SASH1: variants seen among roughly 807,000 people sequenced by gnomAD.
SASH1 encodes SAM and SH3 domain containing 1.
In SASH1, 44 loss-of-function variants were observed where a neutral mutation model predicts 125.2. The observed-to-expected ratio is 0.35, with a 90% CI of 0.28 to 0.45. The LOEUF (loss-of-function observed/expected upper bound fraction) is 0.45, where lower values mean the gene tolerates loss of function less well. Among genes scored for constraint, SASH1 ranks in the 20% least tolerant of loss-of-function variants. The pLI, the probability that SASH1 is intolerant of heterozygous loss-of-function variation, is 1.00. For missense variants in SASH1, 1,426 were observed against 1,614.5 expected (o/e 0.88, Z 2.00); for synonymous variants, 639 against 649.1 (o/e 0.98, Z 0.24).
At position 148,529,156 on chromosome 6, in the gene SASH1, C is replaced by G. The variant is rs1292265632; in HGVS notation, c.1428+1560C>G. ...GGCCTGCTCACCCGCCACTCACCTCCTGCTGTACGGCCCACTTCTTAACAG... is the reference window on the plus strand; with the variant it reads ...GGCCTGCTCACCCGCCACTCACCTCGTGCTGTACGGCCCACTTCTTAACAG... On this transcript the variant is annotated intron_variant, in intron 12 of 19. Transcript: ENST00000367467. This position sits in a 1 kb window ranked among gnomAD's most constrained non-coding sequence, Gnocchi z 4.2. Among the ~76,000 whole-genome samples, 1 of 152,210 alleles carries G rather than the reference C, an allele frequency of 6.6e-6. No homozygotes were observed. Among genetic ancestry groups the G allele is most frequent in the East Asian group, 1.9e-4 (1 of 5,194 alleles).
At chr6:148,527,047 T>C (rs1781217165) in intron 11 of SASH1, among the ~76,000 whole-genome samples, 1 of 152,028 alleles carries the variant, frequency 6.6e-6, no homozygotes. Context: ...TAATTTTTTG[T>C]ATTTTTAGTA....
At chr6:148,295,822 A>C (rs1779749495) in intron 1 of SASH1, among the ~76,000 whole-genome samples, 1 of 152,212 alleles carries the variant, frequency 6.6e-6, no homozygotes, top group Admixed American at 6.5e-5. Context: ...AGCAGCCAGC[A>C]CTTCACCTGG....
chr6:148,404,677 A>ACCCCAG (rs1784305810), intron 2 of SASH1, among the ~76,000 whole-genome samples: 2 of 82,652 alleles, frequency 2.4e-5, no homozygotes, highest in Non-Finnish European at 4.8e-5. Context: ...CCTCATCCCA[A>ACCCCAG]CCCCAGCCCC....
chr6:148,224,869 T>G, the SASH1 span, among the ~76,000 whole-genome samples: 2 of 152,146 alleles, frequency 1.3e-5, no homozygotes, highest in African/African-American at 4.8e-5. Context: ...TAGGAAAAAA[T>G]AGTTATGGAA....
intron 1 of SASH1, among the ~76,000 whole-genome samples, chr6:148,364,841 G>A (rs529348427): frequency 2.0e-5 from 3 of 152,008 alleles, no homozygotes; most frequent in Non-Finnish European, 4.4e-5. Context: ...TTTTCCCTCC[G>A]GCCGGGCACA....
intron 8 of SASH1, 39 bp downstream of exon 8, chr6:148,487,754 C>T (rs1778942673): frequency 1.5e-6 from 2 of 1,372,860 alleles, no homozygotes; most frequent in Non-Finnish European, 2.1e-6. Flanking sequence ...ATCACCTACG[C>T]CGATAAGGGA....
At chr6:148,501,029 T>G (rs1392829750) in intron 8 of SASH1, among the ~76,000 whole-genome samples, 1 of 152,156 alleles carries the variant, frequency 6.6e-6, no homozygotes, top group African/African-American at 2.4e-5. Context: ...AGAAGGAGAT[T>G]AACGTTAAGG....
At chr6:148,542,305 T>TA in intron 17 of SASH1, among the ~76,000 whole-genome samples, 1 of 152,254 alleles carries the variant, frequency 6.6e-6, no homozygotes, top group East Asian at 1.9e-4. Context: ...GAGGTTCTAA[T>TA]AATTTTCTAT....
intron 4 of SASH1, among the ~76,000 whole-genome samples, chr6:148,448,136 GTGTA>G (rs879649551): frequency 0.032 from 4,835 of 151,218 alleles, 269 homozygotes; most frequent in African/African-American, 0.11. Flanking sequence ...GTGTGTGTGT[GTGTA>G]TGTGTGTGTG....
the SASH1 span, among the ~76,000 whole-genome samples, chr6:148,237,365 T>C: frequency 6.6e-6 from 1 of 152,216 alleles, no homozygotes; most frequent in Non-Finnish European, 1.5e-5. Context: ...TGCATTCTGT[T>C]TATCTTTAAC....
At chr6:148,340,616 A>G (rs1161757618), upstream of SASH1, among the ~76,000 whole-genome samples, 1 of 151,934 alleles carries the variant, frequency 6.6e-6, no homozygotes, top group Non-Finnish European at 1.5e-5. Flanking sequence ...TATAGAAATG[A>G]CAATTAAAAA....
At chr6:148,393,129 C>T (rs1196606211) in intron 2 of SASH1, among the ~76,000 whole-genome samples, 1 of 149,520 alleles carries the variant, frequency 6.7e-6, no homozygotes, top group Non-Finnish European at 1.5e-5. Flanking sequence ...TCACCGCAAC[C>T]TCCACCTCCT....
chr6:148,462,064 C>T (rs886391594), intron 4 of SASH1, among the ~76,000 whole-genome samples: 30 of 152,078 alleles, frequency 2.0e-4, no homozygotes, highest in African/African-American at 7.2e-4. Flanking sequence ...AAGGCTGCTA[C>T]TGGCTTTCGG....
At chr6:148,381,768 A>G (rs1339026252) in intron 1 of SASH1, among the ~76,000 whole-genome samples, 1 of 151,442 alleles carries the variant, frequency 6.6e-6, no homozygotes, top group Non-Finnish European at 1.5e-5. Context: ...AGCTGGGATT[A>G]CAGGCATGCA....
the SASH1 span, among the ~76,000 whole-genome samples, chr6:148,223,314 AT>A: frequency 6.6e-6 from 1 of 152,136 alleles, no homozygotes. Flanking sequence ...GTTAATATTT[AT>A]AAAGTTCTTA....
At chr6:148,411,727 A>G (rs761233718) in intron 2 of SASH1, among the ~76,000 whole-genome samples, 2 of 152,190 alleles carry the variant, frequency 1.3e-5, no homozygotes, top group Non-Finnish European at 2.9e-5. Flanking sequence ...TACTTTTAGT[A>G]GAGACGCAGT....
At chr6:148,437,768 A>G (rs1431009925) in intron 2 of SASH1, among the ~76,000 whole-genome samples, 1 of 152,262 alleles carries the variant, frequency 6.6e-6, no homozygotes, top group African/African-American at 2.4e-5. Flanking sequence ...AATGCCTATT[A>G]TAAGTAGCAA....
At chr6:148,351,406 C>G (rs1012013468) in intron 1 of SASH1, among the ~76,000 whole-genome samples, 2 of 151,968 alleles carry the variant, frequency 1.3e-5, no homozygotes, top group Admixed American at 6.6e-5. Context: ...AAGTTCCATT[C>G]ATGGTTGATT....
intron 4 of SASH1, among the ~76,000 whole-genome samples, chr6:148,449,328 C>G (rs560094574): frequency 2.0e-5 from 3 of 151,824 alleles, no homozygotes; most frequent in South Asian, 4.2e-4. Flanking sequence ...CCTCAGCCCC[C>G]CGAAGTGCTA....
Sources: gnomAD v4.1 joint callset for allele counts (sites outside exome capture counted in the v4.1 genomes callset) on GRCh38, gnomAD v4.1.1 for gene constraint, Gnocchi (gnomAD v3.1) non-coding constraint, MANE v1.5 for transcripts, NCBI Gene and HGNC (gene_info 2026-07-23, HGNC 2026-07-21) for gene names.